SEPTIN9: variants seen among roughly 807,000 people sequenced by gnomAD.
The protein encoded by SEPTIN9 is septin 9.
In SEPTIN9, 13 loss-of-function variants were observed where a neutral mutation model predicts 56.6. That is an observed-to-expected ratio of 0.23 (90% CI 0.15 to 0.37). The LOEUF (loss-of-function observed/expected upper bound fraction) is 0.37, where lower values mean the gene tolerates loss of function less well. Among genes scored for constraint, SEPTIN9 ranks in the 10% least tolerant of loss-of-function variants. The pLI, the probability that SEPTIN9 is intolerant of heterozygous loss-of-function variation, is 1.00. For missense variants in SEPTIN9, 650 were observed against 823.1 expected (o/e 0.79, Z 2.57); for synonymous variants, 332 against 334.1 (o/e 0.99, Z 0.07).
At position 77,421,340 on chromosome 17, in the gene SEPTIN9, C is replaced by CA. The variant is rs2036695222; in HGVS notation, c.721+18638dup. Reference sequence around the variant, plus strand: ...GATTGGAACCGCATTTCTCTCCCCCCAGTCACAGCTGCCAGGAGCTCATCT... The same window carrying CA: ...GATTGGAACCGCATTTCTCTCCCCCCAAGTCACAGCTGCCAGGAGCTCATCT... On this transcript the variant is annotated intron_variant, in intron 3 of 11. Coordinates refer to ENST00000427177, the MANE Select transcript of SEPTIN9 (RefSeq NM_001113491.2). This position sits in a 1 kb window ranked among gnomAD's most constrained non-coding sequence, Gnocchi z 4.6. Among the ~76,000 whole-genome samples, 1 of 152,202 alleles carries CA rather than the reference C, an allele frequency of 6.6e-6. No homozygotes were observed.
chr17:77,359,978 A>T (rs1389330446), intron 2 of SEPTIN9, among the ~76,000 whole-genome samples: 1 of 151,520 alleles, frequency 6.6e-6, no homozygotes, highest in African/African-American at 2.4e-5. Context: ...TAGCCTGGCC[A>T]ACAGCCCCAT....
intron 3 of SEPTIN9, among the ~76,000 whole-genome samples, chr17:77,407,523 T>C (rs529077447): frequency 2.0e-5 from 3 of 150,106 alleles, no homozygotes; most frequent in African/African-American, 7.6e-5. Flanking sequence ...GAGGTTGTGC[T>C]GGAGGGCTCA....
At chr17:77,340,590 C>T (rs2033696563) in intron 2 of SEPTIN9, among the ~76,000 whole-genome samples, 2 of 152,206 alleles carry the variant, frequency 1.3e-5, no homozygotes, top group Non-Finnish European at 1.5e-5. Flanking sequence ...TGAGTATTGG[C>T]TTTAACTTAC....
chr17:77,434,628 C>T lies in SEPTIN9; in HGVS notation c.721+31925C>T, dbSNP rs1364197947. On this transcript the variant is annotated intron_variant, in intron 3 of 11. Transcript: ENST00000427177. The surrounding 1 kb of genome is among the most constrained non-coding windows in gnomAD (Gnocchi z 5.0). ...CTGGCAGGACCTGCACCATGACCCC[C>T]GTCAAAGCTCACGTCCAAGGCATTT... Among the ~76,000 whole-genome samples, 2 of 152,160 alleles carry T rather than the reference C, an allele frequency of 1.3e-5. No homozygotes were observed. Among genetic ancestry groups the T allele is most frequent in the African/African-American group, 4.8e-5 (2 of 41,440 alleles).
rs2144308855 is a variant in SEPTIN9, at chr17:77,435,263, G to A, written c.721+32560G>A. ...CTAACCACTGTCATTTACCTCTTCGGCCAGCCCTCTGATTGCAAAACCTGA... is the reference window on the plus strand; with the variant it reads ...CTAACCACTGTCATTTACCTCTTCGACCAGCCCTCTGATTGCAAAACCTGA... On this transcript the variant is annotated intron_variant, in intron 3 of 11. Transcript: ENST00000427177. The surrounding 1 kb of genome is among the most constrained non-coding windows in gnomAD (Gnocchi z 4.5). Among the ~76,000 whole-genome samples the A allele has an allele frequency of 6.6e-6, 1 of 152,236 alleles. No individual in the cohort carries two copies. Among genetic ancestry groups the A allele is most frequent in the Admixed American group, 6.5e-5 (1 of 15,288 alleles).
At chr17:77,447,789 G>A (rs991673966) in intron 3 of SEPTIN9, among the ~76,000 whole-genome samples, 1 of 152,088 alleles carries the variant, frequency 6.6e-6, no homozygotes, top group African/African-American at 2.4e-5. Context: ...CACGCCTGGC[G>A]AATTTTTGTA....
chr17:77,339,700 G>T (rs969703517), intron 2 of SEPTIN9, among the ~76,000 whole-genome samples: 1 of 148,724 alleles, frequency 6.7e-6, no homozygotes, highest in African/African-American at 2.6e-5. Context: ...TGTAGAAACA[G>T]GGTTTCACCA....
In SEPTIN9 at chr17:77,381,488, C is replaced by T. The variant is rs545541690; in HGVS notation, c.77-20571C>T. ...TCCACGTGGGTGGGCAGTTTCCCTGCGAGGGGCAGGCCAGGCCCCTGCCCT... is the reference window on the plus strand; with the variant it reads ...TCCACGTGGGTGGGCAGTTTCCCTGTGAGGGGCAGGCCAGGCCCCTGCCCT... On this transcript the variant is annotated intron_variant, in intron 2 of 11. Coordinates refer to ENST00000427177, the MANE Select transcript of SEPTIN9 (RefSeq NM_001113491.2). Among the ~76,000 whole-genome samples the T allele has an allele frequency of 7.9e-5, 12 of 152,196 alleles. No individual in the cohort carries two copies. In the South Asian group the frequency reaches 2.3e-3, roughly 29 times the overall value.
rs145358180 is a variant in SEPTIN9, at chr17:77,446,069, G to A, written c.722-36075G>A. 2.1e-3 allele frequency: 348 copies of A among 167,732 alleles called. 3 individuals are homozygous for A. Among genetic ancestry groups the A allele is most frequent in the Non-Finnish European group, 1.2e-3 (85 of 68,472 alleles). The allele number at this position is 167,732 out of a possible 1,614,324, so 10.4% of individuals were successfully genotyped here. On this transcript the variant is annotated intron_variant, in intron 3 of 11. Transcript: ENST00000427177. ...CACAAGGAAGCGCCTGTGTTGCTGT[G>A]GGCGGAGGAATGGACTGAGGGCTAC...
intron 2 of SEPTIN9, among the ~76,000 whole-genome samples, chr17:77,356,811 G>T (rs1159318008): frequency 6.8e-6 from 1 of 146,784 alleles, no homozygotes; most frequent in Admixed American, 6.9e-5. Flanking sequence ...GGCTCTGGCA[G>T]GCCAGGCGCT....
intron 2 of SEPTIN9, among the ~76,000 whole-genome samples, chr17:77,352,008 C>T (rs550586466): frequency 2.0e-5 from 3 of 152,134 alleles, no homozygotes; most frequent in African/African-American, 4.8e-5. Context: ...TAAGGGCTGC[C>T]GTGGGGGAGG....
In SEPTIN9 at chr17:77,487,495, C is replaced by A. The variant is rs569861063; in HGVS notation, c.985C>A (p.Gln329Lys). The part of the protein sequence containing the change: ...FKSKISRKSV[Q>K]PTSEERIPKT... ...ATCCAAAATCAGCCGGAAGTCGGTGCAGCCCACCTCAGAGGAGCGCATCCC... is the reference window on the plus strand; with the variant it reads ...ATCCAAAATCAGCCGGAAGTCGGTGAAGCCCACCTCAGAGGAGCGCATCCC... Residue 329 changes from glutamine to lysine, a missense_variant, in exon 5 of 12, where the codon CAG (glutamine) becomes AAG (lysine). Coordinates refer to ENST00000427177, the MANE Select transcript of SEPTIN9 (RefSeq NM_001113491.2). The surrounding 1 kb of genome is among the most constrained non-coding windows in gnomAD (Gnocchi z 4.3). 2 of 1,613,344 alleles carry A rather than the reference C, an allele frequency of 1.2e-6. No homozygotes were observed. Among genetic ancestry groups the A allele is most frequent in the South Asian group, 1.1e-5 (1 of 90,966 alleles).
Position 77,499,499 on chromosome 17 carries a change from C to T in SEPTIN9, c.*841C>T. On this transcript the variant is annotated 3_prime_UTR_variant, in exon 12 of 12. Coordinates refer to ENST00000427177, the MANE Select transcript of SEPTIN9 (RefSeq NM_001113491.2). ...TCCCCCAGTTTTGAAAAGGTCTAAG[C>T]AAGTGAGTCTGGTGGAGGAGCTGAG... The T allele has an allele frequency of 2.1e-6, 1 of 486,330 alleles. No homozygotes were observed. The highest frequency in any genetic ancestry group is 4.0e-6 in the Non-Finnish European group (1 of 250,300). The allele number at this position is 486,330 out of a possible 1,614,324, so 30.1% of individuals were successfully genotyped here.
chr17:77,417,842 G>T (rs1243626601), intron 3 of SEPTIN9, among the ~76,000 whole-genome samples: 1 of 152,178 alleles, frequency 6.6e-6, no homozygotes. Flanking sequence ...TACCGGAGGG[G>T]GGGTTCCAGG....
At position 77,402,243 on chromosome 17, in the gene SEPTIN9, G is replaced by A; in HGVS notation, c.261G>A (p.Lys87=). Residue 87 remains lysine, a synonymous_variant, in exon 3 of 12, where the codon AAG becomes AAA. Transcript: ENST00000427177. This position sits in a 1 kb window ranked among gnomAD's most constrained non-coding sequence, Gnocchi z 6.6. Reference sequence around the variant, plus strand: ...ACTCCCTAAGCCAACGCTCCCCCAAGGCGTCCCTGCGGAGGGTGGAGCTCT... The same window carrying A: ...ACTCCCTAAGCCAACGCTCCCCCAAAGCGTCCCTGCGGAGGGTGGAGCTCT... ...HVDSLSQRSP[K]ASLRRVELSG... The A allele has an allele frequency of 1.2e-6, 2 of 1,613,328 alleles. No homozygotes were observed. The highest frequency in any genetic ancestry group is 1.7e-6 in the Non-Finnish European group (2 of 1,179,860).
In SEPTIN9 at chr17:77,402,367, C is replaced by T. The variant is rs201442609; in HGVS notation, c.385C>T (p.Arg129Trp). 105 of 1,612,080 alleles carry T rather than the reference C, an allele frequency of 6.5e-5. No homozygotes were observed. Among genetic ancestry groups the T allele is most frequent in the East Asian group, 2.2e-4 (10 of 44,860 alleles). ...GAACGCCGGGGCCATCGGCCCGTCC[C>T]GGTTCGGGCTCAAGAGGGCCGAGGT... ...VENAGAIGPS[R>W]FGLKRAEVLG... Residue 129 changes from arginine (R) to tryptophan (W), a missense_variant, in exon 3 of 12, where the codon CGG (arginine) becomes TGG (tryptophan). This residue lies in a region of SEPTIN9 where 317 missense variants were observed against 329.1 expected (regional missense o/e 0.96). Coordinates refer to ENST00000427177, the MANE Select transcript of SEPTIN9 (RefSeq NM_001113491.2). This position sits in a 1 kb window ranked among gnomAD's most constrained non-coding sequence, Gnocchi z 6.6.
rs536975609 is a variant in SEPTIN9, at chr17:77,405,592, G to A, written c.721+2889G>A. On this transcript the variant is annotated intron_variant, in intron 3 of 11. Coordinates refer to ENST00000427177, the MANE Select transcript of SEPTIN9 (RefSeq NM_001113491.2). This position sits in a 1 kb window ranked among gnomAD's most constrained non-coding sequence, Gnocchi z 5.8. ...CCGTGGGCTGGGCTGACAGTCCTGA[G>A]GGCCTAAGCAAGTCCAGGTGGAGGA... Among the ~76,000 whole-genome samples the A allele has an allele frequency of 6.6e-6, 1 of 152,280 alleles. No individual in the cohort carries two copies. Among genetic ancestry groups the A allele is most frequent in the African/African-American group, 2.4e-5 (1 of 41,540 alleles).
intron 2 of SEPTIN9, among the ~76,000 whole-genome samples, chr17:77,351,223 C>T (rs2034052032): frequency 8.6e-6 from 1 of 116,880 alleles, no homozygotes; most frequent in Non-Finnish European, 1.7e-5. Flanking sequence ...TGTGCGCGTG[C>T]ACACAACACA....
chr17:77,407,653 G>A (rs1380867748), intron 3 of SEPTIN9, among the ~76,000 whole-genome samples: 2 of 152,182 alleles, frequency 1.3e-5, no homozygotes, highest in Non-Finnish European at 2.9e-5. Context: ...AGAGGGCAGA[G>A]GCATCCCTGC....
Sources: gnomAD v4.1 joint callset for allele counts (sites outside exome capture counted in the v4.1 genomes callset) on GRCh38, gnomAD v4.1.1 for gene constraint, gnomAD v4.1.1 regional missense constraint, Gnocchi (gnomAD v3.1) non-coding constraint, MANE v1.5 for transcripts, NCBI Gene and HGNC (gene_info 2026-07-23, HGNC 2026-07-21) for gene names.